The following KCTD16 variants were observed in gnomAD, a reference collection of about 807,000 sequenced individuals.
The protein encoded by KCTD16 is BTB/POZ domain-containing protein KCTD16.
In KCTD16, 13 loss-of-function variants were observed where a neutral mutation model predicts 33.2. That is an observed-to-expected ratio of 0.39 (90% CI 0.25 to 0.62). The LOEUF (loss-of-function observed/expected upper bound fraction) is 0.62. Among genes scored for constraint, KCTD16 ranks in the 20% least tolerant of loss-of-function variants. The probability of loss-of-function intolerance (pLI) is 0.50; values close to 1 mark genes in which losing one functional copy is unlikely to be tolerated. For missense variants in KCTD16, 441 were observed against 525.1 expected, an observed-to-expected ratio of 0.84 and a Z score of 1.57; for synonymous variants, 197 against 195.3, an observed-to-expected ratio of 1.01 and a Z score of -0.07.
chr5:144,264,597 TA>T (rs978752514), intron 3 of KCTD16, among the ~76,000 whole-genome samples: 2 of 151,640 alleles, frequency 1.3e-5, no homozygotes, highest in Non-Finnish European at 2.9e-5. Context: ...ACCCCATCTC[TA>T]AAAAAAACAT....
At chr5:144,424,299 G>A (rs139155582) in intron 3 of KCTD16, among the ~76,000 whole-genome samples, 22 of 152,296 alleles carry the variant, frequency 1.4e-4, no homozygotes, top group Admixed American at 7.2e-4. Flanking sequence ...TATATGGTCA[G>A]CCAGGATTAG....
intron 3 of KCTD16, among the ~76,000 whole-genome samples, chr5:144,281,593 T>G (rs1183859454): frequency 1.3e-5 from 2 of 152,214 alleles, no homozygotes; most frequent in Non-Finnish European, 2.9e-5. Flanking sequence ...CTTTGAAGTT[T>G]GTTTTTCTGA....
chr5:144,171,404 G>A (rs1332184527), intron 1 of KCTD16, among the ~76,000 whole-genome samples: 1 of 152,188 alleles, frequency 6.6e-6, no homozygotes, highest in Non-Finnish European at 1.5e-5. Flanking sequence ...AACAATGTGT[G>A]CAAGATCTGG....
intron 3 of KCTD16, among the ~76,000 whole-genome samples, chr5:144,457,773 G>T (rs1355789529): frequency 6.6e-6 from 1 of 152,178 alleles, no homozygotes; most frequent in East Asian, 1.9e-4. Flanking sequence ...AAACTGGCAA[G>T]GTGTAGGCCA....
At chr5:144,300,330 T>A (rs1160544602) in intron 3 of KCTD16, among the ~76,000 whole-genome samples, 1 of 152,200 alleles carries the variant, frequency 6.6e-6, no homozygotes, top group Non-Finnish European at 1.5e-5. Flanking sequence ...CTGTCACCCT[T>A]CAAGTTCTCA....
At chr5:144,399,159 T>A (rs773311873) in intron 3 of KCTD16, among the ~76,000 whole-genome samples, 120 of 152,296 alleles carry the variant, frequency 7.9e-4, no homozygotes, top group Non-Finnish European at 1.4e-3. Flanking sequence ...TAGTTGTGCA[T>A]ATTGAACTTT....
intron 3 of KCTD16, among the ~76,000 whole-genome samples, chr5:144,304,916 G>T (rs904753554): frequency 1.3e-5 from 2 of 151,602 alleles, no homozygotes; most frequent in Non-Finnish European, 2.9e-5. Flanking sequence ...GAACACTAGG[G>T]CCAAAGGCCC....
intron 3 of KCTD16, among the ~76,000 whole-genome samples, chr5:144,357,607 A>C (rs1751600809): frequency 6.6e-6 from 1 of 152,242 alleles, no homozygotes; most frequent in Non-Finnish European, 1.5e-5. Context: ...AGAAACTCAC[A>C]GCTCAGTGGA....
intron 2 of KCTD16, among the ~76,000 whole-genome samples, chr5:144,178,348 A>C (rs1346257370): frequency 6.6e-6 from 1 of 152,208 alleles, no homozygotes; most frequent in Non-Finnish European, 1.5e-5. Context: ...TTATAATCAT[A>C]ATGCTTTTAA....
intron 3 of KCTD16, among the ~76,000 whole-genome samples, chr5:144,227,448 A>T (rs1753968295): frequency 6.6e-6 from 1 of 152,136 alleles, no homozygotes; most frequent in South Asian, 2.1e-4. Flanking sequence ...TACAGAGATA[A>T]AAGGGAGCCA....
At chr5:144,311,254 G>A (rs759107238) in intron 3 of KCTD16, among the ~76,000 whole-genome samples, 1 of 152,150 alleles carries the variant, frequency 6.6e-6, no homozygotes, top group Non-Finnish European at 1.5e-5. Context: ...TGCACATTGT[G>A]CACAAGTACT....
intron 3 of KCTD16, among the ~76,000 whole-genome samples, chr5:144,224,543 TA>T (rs956457287): frequency 8.5e-5 from 13 of 152,148 alleles, no homozygotes; most frequent in African/African-American, 3.1e-4. Flanking sequence ...CCCTATTCTG[TA>T]AAAACACAGC....
At chr5:144,285,761 G>A (rs1275954378) in intron 3 of KCTD16, among the ~76,000 whole-genome samples, 2 of 152,050 alleles carry the variant, frequency 1.3e-5, no homozygotes, top group Non-Finnish European at 2.9e-5. Flanking sequence ...CTATAATCTC[G>A]AATGATGGTA....
chr5:144,449,426 G>T (rs1441426040), intron 3 of KCTD16, among the ~76,000 whole-genome samples: 2 of 151,764 alleles, frequency 1.3e-5, no homozygotes, highest in Non-Finnish European at 2.9e-5. Context: ...ACCCACAAAA[G>T]ACCCAAAATA....
At chr5:144,247,931 G>A (rs1182799907) in intron 3 of KCTD16, among the ~76,000 whole-genome samples, 36 of 152,098 alleles carry the variant, frequency 2.4e-4, no homozygotes, top group Admixed American at 2.4e-3. Flanking sequence ...GCAGGTCCTG[G>A]GCTATTTTCC....
chr5:144,195,007 A>G (rs1027638811), intron 2 of KCTD16, among the ~76,000 whole-genome samples: 1 of 152,186 alleles, frequency 6.6e-6, no homozygotes, highest in Non-Finnish European at 1.5e-5. Context: ...TTGTTCTTTT[A>G]TTAGATTTCC....
chr5:144,462,567 T>A (rs1210624424), intron 3 of KCTD16, among the ~76,000 whole-genome samples: 6 of 117,370 alleles, frequency 5.1e-5, no homozygotes, highest in Middle Eastern at 4.0e-3. Flanking sequence ...TTTTGGTTTC[T>A]TAAAAAAAAA....
At chr5:144,233,813 A>C (rs538217221) in intron 3 of KCTD16, among the ~76,000 whole-genome samples, 1 of 152,292 alleles carries the variant, frequency 6.6e-6, no homozygotes, top group African/African-American at 2.4e-5. Flanking sequence ...AACTGGTTTT[A>C]TCTGGTTGCA....
Position 144,258,421 on chromosome 5 carries a change from A to G in KCTD16, c.832+50875A>G, listed in dbSNP as rs1754911291. On this transcript the variant is annotated intron_variant, in intron 3 of 3. Coordinates refer to ENST00000512467, the MANE Select transcript of KCTD16 (RefSeq NM_020768.4). ...TAAATGTACCTTAAAAAGTGAATGTATAAAAGTTGCTAACAGGCTTTGTGC... is the reference window on the plus strand; with the variant it reads ...TAAATGTACCTTAAAAAGTGAATGTGTAAAAGTTGCTAACAGGCTTTGTGC... 3.3e-5 allele frequency among the ~76,000 whole-genome samples: 5 copies of G among 152,204 alleles called. No homozygotes were observed. The South Asian group carries it at 1.0e-3, about 31-fold the overall frequency.
Sources: gnomAD v4.1 joint callset for allele counts (sites outside exome capture counted in the v4.1 genomes callset) on GRCh38, gnomAD v4.1.1 for gene constraint, MANE v1.5 for transcripts, NCBI Gene and HGNC (gene_info 2026-07-23, HGNC 2026-07-21) for gene names.